The following UBE2T variants were observed in gnomAD, a reference collection of about 807,000 sequenced individuals.
The protein encoded by UBE2T is ubiquitin conjugating enzyme E2 T.
A neutral mutation model predicts 23.3 loss-of-function variants in UBE2T; 15 were observed. The ratio of observed to expected loss-of-function variants is 0.64; its 90% CI spans 0.43 to 0.99. The LOEUF (loss-of-function observed/expected upper bound fraction) is 0.99. Ranked by LOEUF, UBE2T falls within the 50% of genes least tolerant of loss-of-function variation. The pLI is 0.00. For synonymous variants in UBE2T, 67 were observed against 78.4 expected (o/e 0.85, Z 0.77); for missense variants, 197 against 234.9 (o/e 0.84, Z 1.05).
rs1654953711 is a variant in UBE2T at position 202,339,572 on chromosome 1, C to T, written c.-65+2323G>A. On this transcript the variant is annotated intron_variant, in intron 1 of 6. Transcript: ENST00000646651. ...TCAAGATCACGCCACTGCACCCCAG[C>T]CTGGGCGATAGATTAGGACTCTGTC... Among the ~76,000 whole-genome samples, 3 of 145,098 alleles carry T rather than the reference C, an allele frequency of 2.1e-5. No individual in the cohort carries two copies. In the South Asian group the frequency reaches 6.5e-4, roughly 31 times the overall value.
At chr1:202,334,376 C>G (rs1654835842) in intron 3 of UBE2T, among the ~76,000 whole-genome samples, 2 of 152,082 alleles carry the variant, frequency 1.3e-5, no homozygotes, top group African/African-American at 2.4e-5. Flanking sequence ...TGGGGCCTAC[C>G]TGAGGGTGGA....
In UBE2T at chr1:202,331,665, A is replaced by T; in HGVS notation, c.*170T>A. On this transcript the variant is annotated 3_prime_UTR_variant, in exon 7 of 7. Coordinates refer to ENST00000646651, the MANE Select transcript of UBE2T (RefSeq NM_014176.4). ...TCAGGATAAACACATACTCAACATT[A>T]AATGACTATTTATTTTTCAGGTTTA... 1 of 796,788 alleles carries T rather than the reference A, an allele frequency of 1.3e-6. No individual in the cohort carries two copies. The highest frequency in any genetic ancestry group is 1.9e-6 in the Non-Finnish European group (1 of 515,990). The allele number at this position is 796,788 out of a possible 1,614,324, so 49.4% of individuals were successfully genotyped here. A position where few individuals can be genotyped will look rare whatever the true frequency, so the allele number is the denominator to read the frequency against.
In UBE2T at chr1:202,335,798, C is replaced by T. The variant is rs1260411345; in HGVS notation, c.-44G>A. The T allele has an allele frequency of 6.4e-7, 1 of 1,567,976 alleles. No homozygotes were observed. The highest frequency in any genetic ancestry group is 8.8e-7 in the Non-Finnish European group (1 of 1,139,068). ...ACCACACACAGTTCACTGCTCCACACTAAGAGCTGCCTGGGATGCACTGGA... is the reference window on the plus strand; with the variant it reads ...ACCACACACAGTTCACTGCTCCACATTAAGAGCTGCCTGGGATGCACTGGA... On this transcript the variant is annotated 5_prime_UTR_variant, in exon 2 of 7. It adds an upstream start codon to the 5' untranslated region. Transcript: ENST00000646651. This position sits in a 1 kb window ranked among gnomAD's most constrained non-coding sequence, Gnocchi z 4.0.
intron 1 of UBE2T, among the ~76,000 whole-genome samples, chr1:202,340,607 A>G (rs1328946710): frequency 6.6e-6 from 1 of 152,176 alleles, no homozygotes; most frequent in Non-Finnish European, 1.5e-5. Context: ...TGCATAGGTT[A>G]TATGCAAATA....
Position 202,335,281 on chromosome 1 carries a change from T to C in UBE2T, c.110-223A>G, listed in dbSNP as rs1654856345. Reference sequence around the variant, plus strand: ...ACATATAGAAAATCTAAAGCAGAAGTTGCAAAATGCTGGCCACAAGACCAA... The same window carrying C: ...ACATATAGAAAATCTAAAGCAGAAGCTGCAAAATGCTGGCCACAAGACCAA... On this transcript the variant is annotated intron_variant, in intron 2 of 6. Coordinates refer to ENST00000646651, the MANE Select transcript of UBE2T (RefSeq NM_014176.4). This position sits in a 1 kb window ranked among gnomAD's most constrained non-coding sequence, Gnocchi z 4.0. The C allele has an allele frequency of 1.8e-6, 1 of 563,096 alleles. No individual in the cohort carries two copies. The highest frequency in any genetic ancestry group is 3.1e-6 in the Non-Finnish European group (1 of 318,320). The allele number at this position is 563,096 out of a possible 1,614,324, so 34.9% of individuals were successfully genotyped here.
At chr1:202,341,577 CAAA>C (rs57598991) in intron 1 of UBE2T, among the ~76,000 whole-genome samples, 13 of 20,304 alleles carry the variant, frequency 6.4e-4, no homozygotes, top group Admixed American at 3.2e-3. Flanking sequence ...GACTCCGTCT[CAAA>C]AAAAAAAAAA....
chr1:202,340,231 T>G (rs974149184), intron 1 of UBE2T, among the ~76,000 whole-genome samples: 2 of 129,388 alleles, frequency 1.5e-5, no homozygotes, highest in African/African-American at 6.0e-5. Context: ...AAAACAAAAC[T>G]GGCCAGGCAT....
In UBE2T at chr1:202,335,327, T is replaced by G; in HGVS notation, c.110-269A>C. ...ACCAAATACAACCTATAGATTTGTT[T>G]TGTTTGGACCGCAGTATTCTAATCA... On this transcript the variant is annotated intron_variant, in intron 2 of 6. Transcript: ENST00000646651. This position sits in a 1 kb window ranked among gnomAD's most constrained non-coding sequence, Gnocchi z 4.0. The G allele has an allele frequency of 3.7e-6, 2 of 544,878 alleles. No homozygotes were observed. Among genetic ancestry groups the G allele is most frequent in the Non-Finnish European group, 6.5e-6 (2 of 305,990 alleles). The allele number at this position is 544,878 out of a possible 1,614,324, so 33.8% of individuals were successfully genotyped here.
chr1:202,333,577 G>C (rs1654817032), intron 3 of UBE2T, 22 bp from the exon 4 acceptor site: 2 of 1,587,702 alleles, frequency 1.3e-6, no homozygotes, highest in Non-Finnish European at 1.7e-6. Flanking sequence ...TAAGACAACA[G>C]ATAATTTTCA....
intron 1 of UBE2T, among the ~76,000 whole-genome samples, chr1:202,338,503 G>A (rs1654933800): frequency 6.6e-6 from 1 of 152,132 alleles, no homozygotes; most frequent in African/African-American, 2.4e-5. Context: ...TTACAGGCAT[G>A]AGCCACCTCG....
At position 202,335,485 on chromosome 1, in the gene UBE2T, AG is replaced by A. The variant is rs1164802242; in HGVS notation, c.109+160del. On this transcript the variant is annotated intron_variant, in intron 2 of 6. Coordinates refer to ENST00000646651, the MANE Select transcript of UBE2T (RefSeq NM_014176.4). The surrounding 1 kb of genome is among the most constrained non-coding windows in gnomAD (Gnocchi z 4.0). ...AAAGTCAAAGAAGCAAGAAATGTCA[AG>A]CAAACCTTTTATAAATGTAAACAAA... 1.3e-5 allele frequency: 9 copies of A among 670,876 alleles called. No individual in the cohort carries two copies. The highest frequency in any genetic ancestry group is 8.3e-4 in the Middle Eastern group (2 of 2,416). 41.6% of individuals were successfully genotyped at this position (670,876 alleles called of 1,614,324 possible).
intron 6 of UBE2T, among the ~76,000 whole-genome samples, chr1:202,332,637 G>A (rs910262058): frequency 2.6e-5 from 4 of 151,988 alleles, no homozygotes; most frequent in Admixed American, 2.0e-4. Context: ...GGCCGGGCGC[G>A]GTGGCTCACG....
intron 1 of UBE2T, among the ~76,000 whole-genome samples, chr1:202,336,993 G>T (rs1394699804): frequency 6.6e-6 from 1 of 152,156 alleles, no homozygotes; most frequent in African/African-American, 2.4e-5. Context: ...GCCCAGGCTG[G>T]AGTGCAGTGG....
intron 6 of UBE2T, among the ~76,000 whole-genome samples, chr1:202,332,337 G>C (rs1001696064): frequency 5.3e-5 from 8 of 151,998 alleles, no homozygotes; most frequent in Non-Finnish European, 1.2e-4. Flanking sequence ...TCTGCAACTA[G>C]TCCCTGCAAA....
chr1:202,332,919 A>G, intron 6 of UBE2T, 91 bp downstream of exon 6: 1 of 348,708 alleles, frequency 2.9e-6, no homozygotes, highest in Non-Finnish European at 4.3e-6. Context: ...AAAAAAAAAA[A>G]AAAAAAAAAA....
At position 202,341,933 on chromosome 1, in the gene UBE2T, C is replaced by T. The variant is rs1655019240; in HGVS notation, c.-103G>A. 2.0e-5 allele frequency: 3 copies of T among 152,376 alleles called. No individual in the cohort carries two copies. Among genetic ancestry groups the T allele is most frequent in the Non-Finnish European group, 4.4e-5 (3 of 68,140 alleles). 9.4% of individuals were successfully genotyped at this position (152,376 alleles called of 1,614,324 possible). ...CCTCACAACGCAGCAACGCGCGGACCAACGGGGTACCAGCGCCTGCGCGAC... is the reference window on the plus strand; with the variant it reads ...CCTCACAACGCAGCAACGCGCGGACTAACGGGGTACCAGCGCCTGCGCGAC... On this transcript the variant is annotated 5_prime_UTR_variant, in exon 1 of 7. Coordinates refer to ENST00000646651, the MANE Select transcript of UBE2T (RefSeq NM_014176.4).
chr1:202,341,619 C>T (rs1655008448), intron 1 of UBE2T, among the ~76,000 whole-genome samples: 1 of 144,864 alleles, frequency 6.9e-6, no homozygotes, highest in Non-Finnish European at 1.5e-5. Flanking sequence ...ACAGCCAGTG[C>T]ACAACCCGCA....
In UBE2T at chr1:202,335,896, T is replaced by A; in HGVS notation, c.-64-78A>T. On this transcript the variant is annotated intron_variant, in intron 1 of 6. Coordinates refer to ENST00000646651, the MANE Select transcript of UBE2T (RefSeq NM_014176.4). The surrounding 1 kb of genome is among the most constrained non-coding windows in gnomAD (Gnocchi z 4.0). ...TTTTCAGCAAACAGCTTCAATGTAG[T>A]GAGGGTGGGGGACAGAGTCCTCTTT... 1.5e-6 allele frequency: 1 copy of A among 680,798 alleles called. No homozygotes were observed. Among genetic ancestry groups the A allele is most frequent in the Non-Finnish European group, 2.5e-6 (1 of 400,670 alleles). The allele number at this position is 680,798 out of a possible 1,614,324, so 42.2% of individuals were successfully genotyped here. A position where few individuals can be genotyped will look rare whatever the true frequency, so the allele number is the denominator to read the frequency against.
chr1:202,340,390 T>C (rs1654974796), intron 1 of UBE2T, among the ~76,000 whole-genome samples: 1 of 151,456 alleles, frequency 6.6e-6, no homozygotes, highest in Non-Finnish European at 1.5e-5. Flanking sequence ...GGTGCACGCC[T>C]GTAATCCCAG....
Sources: gnomAD v4.1 joint callset for allele counts (sites outside exome capture counted in the v4.1 genomes callset) on GRCh38, gnomAD v4.1.1 for gene constraint, Gnocchi (gnomAD v3.1) non-coding constraint, MANE v1.5 for transcripts, NCBI Gene and HGNC (gene_info 2026-07-23, HGNC 2026-07-21) for gene names.